CRISP3: variants seen among roughly 807,000 people sequenced by gnomAD.
CRISP3 encodes the protein cysteine-rich secretory protein 3.
CRISP3 carries 33 observed loss-of-function variants against 36.1 expected under a neutral mutation model. The observed-to-expected ratio is 0.91, with a 90% CI of 0.69 to 1.22. The LOEUF (loss-of-function observed/expected upper bound fraction) is 1.22, where lower values mean the gene tolerates loss of function less well. Ranked by LOEUF, CRISP3 falls within the 50% of genes most tolerant of loss-of-function variation. The pLI, the probability that CRISP3 is intolerant of heterozygous loss-of-function variation, is 0.00. For synonymous variants in CRISP3, 117 were observed against 104.6 expected, an observed-to-expected ratio of 1.12 and a Z score of -0.72; for missense variants, 330 against 301.2, an observed-to-expected ratio of 1.10 and a Z score of -0.71.
At chr6:49,736,623 G>T in intron 2 of CRISP3, 116 bp from the exon 3 acceptor site, 1 of 787,722 alleles carries the variant, frequency 1.3e-6, no homozygotes, top group South Asian at 1.5e-5. Flanking sequence ...CCAATGCTAG[G>T]TAAACATTGT....
chr6:49,742,961 T>C (rs1769245237), intron 1 of CRISP3, among the ~76,000 whole-genome samples: 1 of 152,208 alleles, frequency 6.6e-6, no homozygotes, highest in South Asian at 2.1e-4. Flanking sequence ...TATAAACTAG[T>C]CACAGCACAG....
At chr6:49,728,939 C>T (rs910342666) in intron 7 of CRISP3, 82 bp from the exon 8 acceptor site, 50 of 1,360,110 alleles carry the variant, frequency 3.7e-5, no homozygotes, top group Admixed American at 2.9e-4. Flanking sequence ...TCTATATGAA[C>T]GGAGAGTAGG....
intron 1 of CRISP3, among the ~76,000 whole-genome samples, chr6:49,743,178 C>CT (rs957198012): frequency 1.3e-5 from 2 of 151,900 alleles, no homozygotes; most frequent in East Asian, 1.9e-4. Context: ...TTGAGAAGCA[C>CT]TTTTTTTTCA....
At chr6:49,732,405 C>T (rs535428857) in intron 6 of CRISP3, among the ~76,000 whole-genome samples, 40 of 152,286 alleles carry the variant, frequency 2.6e-4, no homozygotes, top group African/African-American at 8.7e-4. Flanking sequence ...GGGAAAACCC[C>T]TCCCACTAGT....
intron 7 of CRISP3, among the ~76,000 whole-genome samples, 177 bp downstream of exon 7, chr6:49,730,986 G>A (rs970261242): frequency 6.6e-6 from 1 of 152,224 alleles, no homozygotes; most frequent in Non-Finnish European, 1.5e-5. Flanking sequence ...AGGTTGCAGT[G>A]AGCCGAGATG....
intron 2 of CRISP3, 111 bp from the exon 3 acceptor site, chr6:49,736,618 G>T: frequency 1.2e-6 from 1 of 816,898 alleles, no homozygotes; most frequent in East Asian, 2.5e-5. Context: ...TGTTGCCAAT[G>T]CTAGGTAAAC....
chr6:49,738,377 T>C (rs1054773322), intron 1 of CRISP3, among the ~76,000 whole-genome samples: 4 of 152,176 alleles, frequency 2.6e-5, no homozygotes, highest in Non-Finnish European at 4.4e-5. Context: ...AAAACCACTA[T>C]ACATTTATGG....
At chr6:49,731,394 G>T in intron 6 of CRISP3, 143 bp from the exon 7 acceptor site, 1 of 477,632 alleles carries the variant, frequency 2.1e-6, no homozygotes, top group Non-Finnish European at 3.7e-6. Flanking sequence ...TAATCTCAGA[G>T]TATATTCAGA....
chr6:49,743,182 T>A (rs1407869811), intron 1 of CRISP3, among the ~76,000 whole-genome samples: 1 of 152,182 alleles, frequency 6.6e-6, no homozygotes, highest in East Asian at 1.9e-4. Context: ...GAAGCACTTT[T>A]TTTTCAAGGA....
At chr6:49,740,796 A>G (rs1459032982) in intron 1 of CRISP3, among the ~76,000 whole-genome samples, 1 of 152,068 alleles carries the variant, frequency 6.6e-6, no homozygotes, top group Admixed American at 6.6e-5. Context: ...AGCATCGAAG[A>G]ACTGTAAGAC....
At chr6:49,741,957 G>T (rs1769216861) in intron 1 of CRISP3, among the ~76,000 whole-genome samples, 1 of 149,442 alleles carries the variant, frequency 6.7e-6, no homozygotes, top group Admixed American at 6.7e-5. Context: ...AATTGTTATT[G>T]TTTTCAAATG....
intron 1 of CRISP3, among the ~76,000 whole-genome samples, chr6:49,741,488 TTA>T (rs1769199612): frequency 6.6e-6 from 1 of 151,930 alleles, no homozygotes; most frequent in Admixed American, 6.6e-5. Context: ...CCAAGTAAAA[TTA>T]TATGAGGACT....
At chr6:49,736,710 G>A (rs1769060758) in intron 2 of CRISP3, among the ~76,000 whole-genome samples, 1 of 152,106 alleles carries the variant, frequency 6.6e-6, no homozygotes, top group South Asian at 2.1e-4. Flanking sequence ...ATAATTCATG[G>A]CATGACAAAC....
chr6:49,738,762 C>T (rs1437913256), intron 1 of CRISP3, among the ~76,000 whole-genome samples: 4 of 152,120 alleles, frequency 2.6e-5, no homozygotes, highest in African/African-American at 4.8e-5. Context: ...GGGATGCAGC[C>T]TGATATACAC....
intron 1 of CRISP3, among the ~76,000 whole-genome samples, chr6:49,741,708 T>C (rs1396642397): frequency 1.3e-5 from 2 of 148,228 alleles, no homozygotes; most frequent in Non-Finnish European, 3.0e-5. Context: ...ATAATGGTTA[T>C]TGGAGAAATT....
chr6:49,740,113 G>A (rs1006774842), intron 1 of CRISP3, among the ~76,000 whole-genome samples: 18 of 152,192 alleles, frequency 1.2e-4, no homozygotes, highest in African/African-American at 3.6e-4. Context: ...AAGCATAAAT[G>A]TATATAATAC....
chr6:49,741,960 T>A (rs956120710), intron 1 of CRISP3, among the ~76,000 whole-genome samples: 21 of 150,034 alleles, frequency 1.4e-4, no homozygotes, highest in Non-Finnish European at 2.8e-4. Context: ...TGTTATTGTT[T>A]TCAAATGATA....
rs1213027774 is a variant in CRISP3 at position 49,741,093 on chromosome 6, C to CA, written c.37+3237dup. On this transcript the variant is annotated intron_variant, in intron 1 of 7. Transcript: ENST00000263045. The stretch of plus-strand genomic sequence containing the variant: ...TGGGCGACAGAGCGAGACTCCGTCT[C>CA]AAAAAAAACAAAAAACAAAAAACAA... 2.9e-3 allele frequency among the ~76,000 whole-genome samples: 214 copies of CA among 72,692 alleles called. 3 individuals carry two copies. Among genetic ancestry groups the CA allele is most frequent in the Middle Eastern group, 0.024 (2 of 84 alleles). The allele number at this position is 72,692 out of a possible 152,430, so 47.7% of individuals were successfully genotyped here.
rs1864312 is a variant in CRISP3 at position 49,733,726 on chromosome 6, C to T, written c.439G>A (p.Ala147Thr). ...DFGVGPKTPN[A>T]VVGHYTQVVW... Reference sequence around the variant, plus strand: ...ACCTGTGTATAATGTCCAACCACTGCGTTGGGAGTCTTTGGCCCTACACCA... The same window carrying T: ...ACCTGTGTATAATGTCCAACCACTGTGTTGGGAGTCTTTGGCCCTACACCA... The change falls in exon 5 of 8, where the codon GCA (alanine) becomes ACA (threonine). Residue 147 changes from alanine to threonine, a missense_variant. By Grantham distance (58) the Ala-to-Thr change is moderately conservative. Coordinates refer to ENST00000263045, the MANE Select transcript of CRISP3 (RefSeq NM_006061.4). The T allele has an allele frequency of 2.8e-5, 45 of 1,612,834 alleles. No individual in the cohort carries two copies. Among genetic ancestry groups the T allele is most frequent in the Non-Finnish European group, 3.2e-5 (38 of 1,179,298 alleles).
Sources: allele counts gnomAD v4.1 joint callset (sites outside exome capture counted in the v4.1 genomes callset), GRCh38; gene constraint gnomAD v4.1.1; transcripts MANE v1.5; gene names NCBI Gene and HGNC (gene_info 2026-07-23, HGNC 2026-07-21).